Variants in MYB observed in about 807,000 individuals in gnomAD.
MYB encodes the protein MYB proto-oncogene, transcription factor.
A neutral mutation model predicts 92.9 loss-of-function variants in MYB; 28 were observed. The ratio of observed to expected loss-of-function variants is 0.30; its 90% CI spans 0.22 to 0.41. The LOEUF (loss-of-function observed/expected upper bound fraction) is 0.41, where lower values mean the gene tolerates loss of function less well. MYB is among the 10% of genes least tolerant of loss of function. The pLI, the probability that MYB is intolerant of heterozygous loss-of-function variation, is 1.00. For synonymous variants in MYB, 295 were observed against 329.1 expected, an observed-to-expected ratio of 0.90 and a Z score of 1.12; for missense variants, 679 against 929.3, an observed-to-expected ratio of 0.73 and a Z score of 3.50.
At chr6:135,194,274 C>A in intron 7 of MYB, 82 bp from the exon 8 acceptor site, 1 of 1,071,798 alleles carries the variant, frequency 9.3e-7, no homozygotes, top group Non-Finnish European at 1.4e-6. Context: ...TGCGGCACCT[C>A]ATGACCATAT....
Position 135,190,787 on chromosome 6 carries a change from A to AC in MYB, c.527+440_527+441insC, listed in dbSNP as rs1562369047. On this transcript the variant is annotated intron_variant, in intron 5 of 15. Transcript: ENST00000341911. This position sits in a 1 kb window ranked among gnomAD's most constrained non-coding sequence, Gnocchi z 4.5. ...CTGATAACCATCATTCATTTCTTTT[A>AC]TTTTTTTTAATTATTATTTTTTAGA... Among the ~76,000 whole-genome samples the AC allele has an allele frequency of 1.3e-5, 2 of 151,946 alleles. No homozygotes were observed. The highest frequency in any genetic ancestry group is 4.8e-5 in the African/African-American group (2 of 41,344).
chr6:135,198,320 T>G (rs969474369), intron 10 of MYB, among the ~76,000 whole-genome samples: 1 of 152,216 alleles, frequency 6.6e-6, no homozygotes, highest in African/African-American at 2.4e-5. Context: ...CTCAGAGTTA[T>G]TAATATGCCG....
intron 12 of MYB, 37 bp from the exon 13 acceptor site, chr6:135,200,253 T>C (rs375371567): frequency 3.7e-6 from 6 of 1,613,858 alleles, no homozygotes; most frequent in Non-Finnish European, 5.1e-6. Context: ...CCATTAGGAG[T>C]TCTCTCTGAT....
At chr6:135,203,347 T>G in intron 15 of MYB, 23 bp downstream of exon 15, 2 of 1,505,594 alleles carry the variant, frequency 1.3e-6, no homozygotes. Flanking sequence ...CCAACATTGG[T>G]ATTTTAAAAT....
chr6:135,216,715 C>CT (rs934534644), intron 15 of MYB, among the ~76,000 whole-genome samples: 3 of 152,304 alleles, frequency 2.0e-5, no homozygotes, highest in East Asian at 3.9e-4. Context: ...TATGACTCTT[C>CT]TTTATACACA....
chr6:135,219,118 T>C lies in MYB; in HGVS notation c.*1138T>C, dbSNP rs753169543. The C allele has an allele frequency of 3.2e-4, 70 of 222,036 alleles. No individual in the cohort carries two copies. Among genetic ancestry groups the C allele is most frequent in the Non-Finnish European group, 5.2e-4 (58 of 110,698 alleles). The allele number at this position is 222,036 out of a possible 1,614,324, so 13.8% of individuals were successfully genotyped here. A position where few individuals can be genotyped will look rare whatever the true frequency, so the allele number is the denominator to read the frequency against. On this transcript the variant is annotated 3_prime_UTR_variant, in exon 16 of 16. Coordinates refer to ENST00000341911, the MANE Select transcript of MYB (RefSeq NM_001130173.2). Reference sequence around the variant, plus strand: ...TGGCCAGCACTGAACTTTTGAGATATGACGGTGTACTTACTGCCTTGTAGC... The same window carrying C: ...TGGCCAGCACTGAACTTTTGAGATACGACGGTGTACTTACTGCCTTGTAGC...
chr6:135,183,006 GTTTTTTTTTT>G (rs3071602), intron 1 of MYB, among the ~76,000 whole-genome samples: 1 of 92,440 alleles, frequency 1.1e-5, no homozygotes, highest in African/African-American at 4.4e-5. Flanking sequence ...GGGGTCATCT[GTTTTTTTTTT>G]TTTTTTTTTT....
At chr6:135,201,795 G>T (rs768025220) in intron 14 of MYB, 46 bp downstream of exon 14, 2 of 1,215,930 alleles carry the variant, frequency 1.6e-6, no homozygotes, top group Admixed American at 5.3e-5. Context: ...TGACACTGGT[G>T]CCTCATGAAA....
At chr6:135,183,919 G>C (rs1321513984) in intron 1 of MYB, among the ~76,000 whole-genome samples, 1 of 152,194 alleles carries the variant, frequency 6.6e-6, no homozygotes, top group African/African-American at 2.4e-5. Flanking sequence ...CTGAAGTCTT[G>C]AGAGAGAGGA....
intron 7 of MYB, 32 bp from the exon 8 acceptor site, chr6:135,194,324 T>C (rs1777008372): frequency 6.6e-7 from 1 of 1,514,420 alleles, no homozygotes; most frequent in Non-Finnish European, 9.1e-7. Context: ...AATCAGACCT[T>C]TGTCTTTATT....
chr6:135,193,927 A>G lies in MYB; in HGVS notation c.843+9A>G. 6.3e-7 allele frequency: 1 copy of G among 1,584,780 alleles called. No homozygotes were observed. The highest frequency in any genetic ancestry group is 8.7e-7 in the Non-Finnish European group (1 of 1,153,456). The stretch of plus-strand genomic sequence containing the variant: ...CTGCCGCAGCCATTCAGGTAAGATC[A>G]TTGATCATTCACTGTTCAAAGCACC... On this transcript the variant is annotated intron_variant, in intron 7 of 15. Transcript: ENST00000341911.
chr6:135,181,491 C>T lies in MYB; in HGVS notation c.-23C>T. 2 of 1,121,910 alleles carry T rather than the reference C, an allele frequency of 1.8e-6. No homozygotes were observed. The highest frequency in any genetic ancestry group is 2.2e-6 in the Non-Finnish European group (2 of 918,264). The allele number at this position is 1,121,910 out of a possible 1,614,324, so 69.5% of individuals were successfully genotyped here. ...CCGGTGCGGTCCCCGCGGCTCTCGG[C>T]GGAGCCCCGCGCCCGCCGCGCCATG... is the stretch of plus-strand genomic sequence containing the variant. On this transcript the variant is annotated 5_prime_UTR_variant, in exon 1 of 16. Transcript: ENST00000341911. This position sits in a 1 kb window ranked among gnomAD's most constrained non-coding sequence, Gnocchi z 5.3.
intron 1 of MYB, among the ~76,000 whole-genome samples, chr6:135,185,144 G>C (rs1205774789): frequency 7.9e-5 from 12 of 152,152 alleles, no homozygotes; most frequent in Non-Finnish European, 1.8e-4. Flanking sequence ...AAAAACAAGA[G>C]TAAGTAAGAC....
Position 135,195,982 on chromosome 6 carries a change from A to G in MYB, c.1183A>G (p.Thr395Ala). 2 of 1,613,914 alleles carry G rather than the reference A, an allele frequency of 1.2e-6. No individual in the cohort carries two copies. The highest frequency in any genetic ancestry group is 1.7e-6 in the Non-Finnish European group (2 of 1,179,748). Reference sequence around the variant, plus strand: ...TAAGAACCTCTTAGAATTTGCAGAAACACTCCAATTTATAGATTCTGTAAG... The same window carrying G: ...TAAGAACCTCTTAGAATTTGCAGAAGCACTCCAATTTATAGATTCTGTAAG... ...NVKNLLEFAE[T>A]LQFIDSDSSS... The change falls in exon 9 of 16, where the codon ACA (threonine) becomes GCA (alanine). Residue 395 changes from threonine to alanine, a missense_variant. This residue lies in a region of MYB where 20 missense variants were observed against 46.7 expected (regional missense o/e 0.43). Coordinates refer to ENST00000341911, the MANE Select transcript of MYB (RefSeq NM_001130173.2).
At chr6:135,183,088 G>C (rs1460947461) in intron 1 of MYB, among the ~76,000 whole-genome samples, 1 of 147,280 alleles carries the variant, frequency 6.8e-6, no homozygotes, top group Admixed American at 6.7e-5. Context: ...GAGGAGGCGC[G>C]GCAGCGGCTC....
intron 6 of MYB, among the ~76,000 whole-genome samples, chr6:135,193,413 A>G (rs1776884417): frequency 6.6e-6 from 1 of 152,230 alleles, no homozygotes; most frequent in Non-Finnish European, 1.5e-5. Flanking sequence ...ATAAATTATC[A>G]TAAGAATTCC....
chr6:135,195,341 C>CGGTGGTCGCCG, intron 8 of MYB: 1 of 159,432 alleles, frequency 6.3e-6, no homozygotes, highest in Admixed American at 6.9e-5. Context: ...CAAAGCAACT[C>CGGTGGTCGCCG]TAACTCCTGA....
chr6:135,199,918 C>T (rs1193332482), intron 11 of MYB, among the ~76,000 whole-genome samples, 167 bp from the exon 12 acceptor site: 1 of 152,170 alleles, frequency 6.6e-6, no homozygotes, highest in East Asian at 1.9e-4. Context: ...ATGTGATATG[C>T]ATATTCTCTT....
chr6:135,203,188 T>G, intron 14 of MYB, 29 bp from the exon 15 acceptor site: 1 of 1,508,586 alleles, frequency 6.6e-7, no homozygotes, highest in East Asian at 2.3e-5. Context: ...CAACCTCATT[T>G]AAATTTCAAA....
Sources: allele counts gnomAD v4.1 joint callset (sites outside exome capture counted in the v4.1 genomes callset), GRCh38; gene constraint gnomAD v4.1.1; regional missense constraint gnomAD v4.1.1; non-coding constraint Gnocchi (gnomAD v3.1); transcripts MANE v1.5; gene names NCBI Gene and HGNC (gene_info 2026-07-23, HGNC 2026-07-21).